The following NAV2 variants were observed in gnomAD, a reference collection of about 807,000 sequenced individuals.
NAV2 encodes the protein helicase, APC down-regulated 1.
A neutral mutation model predicts 223.2 loss-of-function variants in NAV2; 54 were observed. That is an observed-to-expected ratio of 0.24 (90% CI 0.19 to 0.30). NAV2 has a LOEUF of 0.30. Ranked by LOEUF, NAV2 falls within the 10% of genes least tolerant of loss-of-function variation. The probability of loss-of-function intolerance (pLI) is 1.00; values close to 1 mark genes in which losing one functional copy is unlikely to be tolerated. For missense variants in NAV2, 2,806 were observed against 3,147.5 expected, an observed-to-expected ratio of 0.89 and a Z score of 2.60; for synonymous variants, 1,279 against 1,239.3, an observed-to-expected ratio of 1.03 and a Z score of -0.67.
chr11:20,097,706 C>T lies in NAV2; in HGVS notation c.6142C>T (p.Leu2048=). 1 of 1,610,646 alleles carries T rather than the reference C, an allele frequency of 6.2e-7. No individual in the cohort carries two copies. Reference sequence around the variant, plus strand: ...ACCGGAGCTGCTTCCTTGTGGCTATCTGGTTGGAGAGAACACGACCATCTC... The same window carrying T: ...ACCGGAGCTGCTTCCTTGTGGCTATTTGGTTGGAGAGAACACGACCATCTC... The part of the protein sequence containing the change: ...ETPELLPCGY[L]VGENTTISVT... Residue 2048 remains leucine (L), a synonymous_variant, in exon 31 of 38, where the codon CTG becomes TTG. Coordinates refer to ENST00000349880, the MANE Select transcript of NAV2 (RefSeq NM_145117.5).
intron 32 of NAV2, among the ~76,000 whole-genome samples, chr11:20,101,501 C>T (rs189170490): frequency 1.3e-5 from 2 of 152,088 alleles, no homozygotes; most frequent in African/African-American, 4.8e-5. Flanking sequence ...ATAATAACAC[C>T]AATAACAAAA....
rs2056385950 is a variant in NAV2, at chr11:19,777,768, C to T, written c.268-54716C>T. 6 of 435,462 alleles carry T rather than the reference C, an allele frequency of 1.4e-5. No homozygotes were observed. The Admixed American group carries it at 1.4e-4, about 10-fold the overall frequency. 27.0% of individuals were successfully genotyped at this position (435,462 alleles called of 1,614,324 possible). The stretch of plus-strand genomic sequence containing the variant: ...GGGGGGTGGGACTGGGCTGCATTAT[C>T]TCTCCGTCCCTTCCACCTACGAATT... On this transcript the variant is annotated intron_variant, in intron 1 of 37. Coordinates refer to ENST00000349880, the MANE Select transcript of NAV2 (RefSeq NM_145117.5).
At chr11:19,740,199 G>A (rs999324966) in intron 1 of NAV2, among the ~76,000 whole-genome samples, 1 of 152,180 alleles carries the variant, frequency 6.6e-6, no homozygotes, top group Admixed American at 6.5e-5. Flanking sequence ...GATGGGCCCT[G>A]AAGTGTGAAG....
intron 32 of NAV2, 35 bp from the exon 33 acceptor site, chr11:20,103,220 C>T: frequency 6.3e-7 from 1 of 1,590,628 alleles, no homozygotes; most frequent in Non-Finnish European, 8.6e-7. Context: ...TGCATTCACC[C>T]ACTTGTTCTC....
At chr11:19,978,036 G>T (rs1254347669) in intron 10 of NAV2, among the ~76,000 whole-genome samples, 2 of 151,338 alleles carry the variant, frequency 1.3e-5, no homozygotes, top group Non-Finnish European at 2.9e-5. Context: ...TGTTAGCCAG[G>T]CAGGTCTCAA....
intron 1 of NAV2, among the ~76,000 whole-genome samples, chr11:19,476,233 A>G (rs1319740255): frequency 6.6e-6 from 1 of 152,218 alleles, no homozygotes; most frequent in East Asian, 1.9e-4. Context: ...TCGGCCTCCC[A>G]AAGTGCTGGG....
intron 11 of NAV2, among the ~76,000 whole-genome samples, chr11:19,999,997 C>T (rs1422855486): frequency 6.6e-6 from 1 of 152,208 alleles, no homozygotes; most frequent in Non-Finnish European, 1.5e-5. Flanking sequence ...TGGCCACTGG[C>T]CTGTGTCACC....
intron 17 of NAV2, 63 bp from the exon 18 acceptor site, chr11:20,054,017 C>T: frequency 6.6e-7 from 1 of 1,522,634 alleles, no homozygotes; most frequent in Non-Finnish European, 9.0e-7. Context: ...CCATCAGCTC[C>T]ACAGAGTTCA....
At chr11:19,655,030 C>T (rs2048080045) in intron 1 of NAV2, among the ~76,000 whole-genome samples, 1 of 152,106 alleles carries the variant, frequency 6.6e-6, no homozygotes, top group Non-Finnish European at 1.5e-5. Flanking sequence ...ACAATGAACT[C>T]CAACAAATTT....
intron 1 of NAV2, among the ~76,000 whole-genome samples, chr11:19,367,109 T>C (rs1848312487): frequency 6.6e-6 from 1 of 152,198 alleles, no homozygotes; most frequent in African/African-American, 2.4e-5. Flanking sequence ...ATCTGGGTCA[T>C]GTGGCACCAT....
At chr11:19,700,298 A>G (rs2049474347) in intron 1 of NAV2, among the ~76,000 whole-genome samples, 1 of 152,228 alleles carries the variant, frequency 6.6e-6, no homozygotes, top group African/African-American at 2.4e-5. Context: ...GTCCAAAGTA[A>G]CACTGCCAGT....
intron 1 of NAV2, among the ~76,000 whole-genome samples, chr11:19,450,356 A>G (rs1028563063): frequency 5.9e-5 from 9 of 152,276 alleles, no homozygotes; most frequent in African/African-American, 2.2e-4. Flanking sequence ...GTCAGTGTCT[A>G]AAGACCAGCT....
chr11:19,844,895 G>T (rs976964917), intron 3 of NAV2, among the ~76,000 whole-genome samples: 1 of 151,914 alleles, frequency 6.6e-6, no homozygotes, highest in Admixed American at 6.6e-5. Context: ...CAGCTTAGGG[G>T]TAGGGAGGCA....
At chr11:19,374,413 AG>A (rs1329226711) in intron 1 of NAV2, among the ~76,000 whole-genome samples, 1 of 149,270 alleles carries the variant, frequency 6.7e-6, no homozygotes, top group Non-Finnish European at 1.5e-5. Flanking sequence ...ACTTGGTTGC[AG>A]GGTGAGCTAT....
At chr11:19,707,587 TGAAG>T (rs1234930689) in intron 1 of NAV2, among the ~76,000 whole-genome samples, 6 of 152,214 alleles carry the variant, frequency 3.9e-5, no homozygotes, top group African/African-American at 1.4e-4. Flanking sequence ...GAATACCTCC[TGAAG>T]GACCTGCCTG....
At chr11:20,082,937 A>C (rs2060181599) in intron 25 of NAV2, 70 bp from the exon 26 acceptor site, 3 of 1,404,664 alleles carry the variant, frequency 2.1e-6, no homozygotes, top group Non-Finnish European at 2.9e-6. Flanking sequence ...TTTTGTGTGC[A>C]TGTCTCTGTT....
chr11:20,103,784 AG>A lies in NAV2; in HGVS notation c.6644+64del, dbSNP rs1398532683. On this transcript the variant is annotated intron_variant, in intron 34 of 37. Transcript: ENST00000349880. ...GGAATCACAAAGAAGAAAAGCAAGA[AG>A]GGGCGGGTAGAGATGCCTGTGTTGA... The A allele has an allele frequency of 2.0e-6, 3 of 1,471,714 alleles. No homozygotes were observed. The African/African-American group carries it at 4.2e-5, about 20-fold the overall frequency. 91.2% of individuals were successfully genotyped at this position (1,471,714 alleles called of 1,614,324 possible).
intron 3 of NAV2, among the ~76,000 whole-genome samples, chr11:19,866,763 A>G (rs536620272): frequency 1.3e-5 from 2 of 152,198 alleles, no homozygotes; most frequent in South Asian, 4.1e-4. Flanking sequence ...GAAAAATCTT[A>G]ACCTACCTCG....
At chr11:20,043,114 T>C (rs548256133) in intron 12 of NAV2, among the ~76,000 whole-genome samples, 128 of 152,228 alleles carry the variant, frequency 8.4e-4, no homozygotes, top group African/African-American at 3.0e-3. Flanking sequence ...GAAGTAGCAT[T>C]TGAGGATGCG....
Sources: gnomAD v4.1 joint callset for allele counts (sites outside exome capture counted in the v4.1 genomes callset) on GRCh38, gnomAD v4.1.1 for gene constraint, MANE v1.5 for transcripts, NCBI Gene and HGNC (gene_info 2026-07-23, HGNC 2026-07-21) for gene names.